EPPK1: variants seen among roughly 807,000 people sequenced by gnomAD.
EPPK1 encodes epiplakin 1, also known as epiplakin.
For synonymous variants in EPPK1, 1,862 were observed against 1,721.2 expected, an observed-to-expected ratio of 1.08 and a Z score of -2.03; for missense variants, 3,823 against 3,673.3, an observed-to-expected ratio of 1.04 and a Z score of -1.05.
Position 143,872,688 on chromosome 8 carries a change from G to A in EPPK1, c.566C>T (p.Ser189Leu). The change falls in exon 2 of 2, where the codon TCA becomes TTA. Residue 189 changes from serine to leucine, a missense_variant. By Grantham distance (145) the Ser-to-Leu change is moderately radical. Coordinates refer to ENST00000615648, the MANE Select transcript of EPPK1 (RefSeq NM_031308.4). The stretch of plus-strand genomic sequence containing the variant: ...GTCACCTGTGCCAGGCTCAAGCTCT[G>A]ACAGCTTGTGCCATGTCTCCCGGTC... ...LLDRETWHKL[S>L]ELEPGTGDLR... 1 of 1,604,678 alleles carries A rather than the reference G, an allele frequency of 6.2e-7. No individual in the cohort carries two copies. Among genetic ancestry groups the A allele is most frequent in the Non-Finnish European group, 8.5e-7 (1 of 1,176,162 alleles).
chr8:143,871,021 G>A lies in EPPK1; in HGVS notation c.2233C>T (p.Arg745Trp), dbSNP rs782758450. The change falls in exon 2 of 2, where the codon CGG (arginine) becomes TGG (tryptophan). Residue 745 changes from arginine to tryptophan, a missense_variant. Transcript: ENST00000615648. Reference protein sequence around the residue: ...SHRVPVDVAYRRGYFDQMLNL... With the variant: ...SHRVPVDVAYWRGYFDQMLNL... ...AGCATCTGATCGAAGTAGCCGCGCC[G>A]GTAGGCCACGTCCACGGGCACGCGG... 55 of 1,613,288 alleles carry A rather than the reference G, an allele frequency of 3.4e-5. No individual in the cohort carries two copies. Among genetic ancestry groups the A allele is most frequent in the East Asian group, 8.9e-5 (4 of 44,884 alleles).
chr8:143,867,792 C>A lies in EPPK1; in HGVS notation c.5462G>T (p.Ser1821Ile). The A allele has an allele frequency of 6.2e-7, 1 of 1,613,716 alleles. No homozygotes were observed. The highest frequency in any genetic ancestry group is 8.5e-7 in the Non-Finnish European group (1 of 1,179,886). ...RELIQEYGAQSGGLEKLLEII... is the reference protein window; with the variant it reads ...RELIQEYGAQIGGLEKLLEII... ...TTCCAGCAATTTCTCCAGGCCCCCA[C>A]TCTGGGCTCCATACTCCTGGATGAG... Residue 1821 changes from serine to isoleucine, a missense_variant, in exon 2 of 2, where the codon AGT becomes ATT. Coordinates refer to ENST00000615648, the MANE Select transcript of EPPK1 (RefSeq NM_031308.4).
At position 143,873,167 on chromosome 8, in the gene EPPK1, C is replaced by T. The variant is rs782769363; in HGVS notation, c.87G>A (p.Thr29=). 7 of 1,593,960 alleles carry T rather than the reference C, an allele frequency of 4.4e-6. No homozygotes were observed. Among genetic ancestry groups the T allele is most frequent in the Middle Eastern group, 1.7e-4 (1 of 5,990 alleles). ...GCCTGGGGGGCGTGCCGGCTCCCAG[C>T]GTGGCTGCCATGGCTCTGGGTACAC... ...QASVPRAMAA[T]LGAGTPPRPQ... The change falls in exon 2 of 2, where the codon ACG becomes ACA. Residue 29 remains threonine (T), a synonymous_variant. Coordinates refer to ENST00000615648, the MANE Select transcript of EPPK1 (RefSeq NM_031308.4).
In EPPK1 at chr8:143,866,872, A is replaced by T; in HGVS notation, c.6382T>A (p.Ser2128Thr). 1 of 1,613,130 alleles carries T rather than the reference A, an allele frequency of 6.2e-7. No individual in the cohort carries two copies. Among genetic ancestry groups the T allele is most frequent in the Non-Finnish European group, 8.5e-7 (1 of 1,179,844 alleles). Residue 2128 changes from serine to threonine, a missense_variant, in exon 2 of 2, where the codon TCC becomes ACC. By Grantham distance (58) the Ser-to-Thr change is moderately conservative. Transcript: ENST00000615648. ...QKPTLWALLNSEYVTEEKKLQ... is the reference protein window; with the variant it reads ...QKPTLWALLNTEYVTEEKKLQ... Reference sequence around the variant, plus strand: ...TTCTTCTCCTCTGTCACGTATTCGGAATTCAGTAGTGCCCACAGTGTTGGT... The same window carrying T: ...TTCTTCTCCTCTGTCACGTATTCGGTATTCAGTAGTGCCCACAGTGTTGGT...
At position 143,871,202 on chromosome 8, in the gene EPPK1, A is replaced by C; in HGVS notation, c.2052T>G (p.Ala684=). The part of the protein sequence containing the change: ...GPDVFAKLLS[A]ERAVTGYTDP... ...CAGTGTAGCCAGTGACAGCGCGCTC[A>C]GCCGACAGCAGCTTCGCGAACACAT... is the stretch of plus-strand genomic sequence containing the variant. Residue 684 remains alanine, a synonymous_variant, in exon 2 of 2, where the codon GCT becomes GCG. Coordinates refer to ENST00000615648, the MANE Select transcript of EPPK1 (RefSeq NM_031308.4). 1.2e-6 allele frequency: 2 copies of C among 1,613,252 alleles called. No individual in the cohort carries two copies. The highest frequency in any genetic ancestry group is 8.5e-7 in the Non-Finnish European group (1 of 1,180,030).
Position 143,867,733 on chromosome 8 carries a change from G to A in EPPK1, c.5521C>T (p.Gln1841Ter). Residue 1841 changes from glutamine to a stop codon, truncating the protein, a stop_gained, in exon 2 of 2, where the codon CAA becomes TAA. Transcript: ENST00000615648. LOFTEE classifies it low-confidence loss of function (END_TRUNC). ...GCCGCCACTTTGATGCCTTGGTTTT[G>A]CGTCTCTGTTTCTTCAATTGTCGTG... Reference protein sequence around the residue: ...ITTTIEETETQNQGIKVAAIR... With the variant: ...ITTTIEETET The A allele has an allele frequency of 1.2e-6, 2 of 1,613,730 alleles. No homozygotes were observed. The highest frequency in any genetic ancestry group is 1.7e-6 in the Non-Finnish European group (2 of 1,179,866).
chr8:143,867,785 GCC>G lies in EPPK1; in HGVS notation c.5467_5468del (p.Gly1823ProfsTer13), dbSNP rs1819182587. 7.4e-6 allele frequency: 12 copies of G among 1,613,476 alleles called. No homozygotes were observed. Among genetic ancestry groups the G allele is most frequent in the Non-Finnish European group, 1.0e-5 (12 of 1,179,864 alleles). On this transcript the variant is annotated frameshift_variant, in exon 2 of 2. Coordinates refer to ENST00000615648, the MANE Select transcript of EPPK1 (RefSeq NM_031308.4). LOFTEE classifies it low-confidence loss of function (END_TRUNC). Reference sequence around the variant, plus strand: ...TGATGATTTCCAGCAATTTCTCCAGGCCCCCACTCTGGGCTCCATACTCCTGG... The same window carrying G: ...TGATGATTTCCAGCAATTTCTCCAGGCCCACTCTGGGCTCCATACTCCTGG... ...LIQEYGAQSG[G>X]LEKLLEIITT...
chr8:143,874,770 CCT>C (rs1259749144), intron 1 of EPPK1, among the ~76,000 whole-genome samples: 2 of 152,162 alleles, frequency 1.3e-5, no homozygotes, highest in Non-Finnish European at 2.9e-5. Flanking sequence ...TGATTCTCCC[CCT>C]CATTCCAGCT....
In EPPK1 at chr8:143,870,063, A is replaced by G; in HGVS notation, c.3191T>C (p.Ile1064Thr). The change falls in exon 2 of 2, where the codon ATT becomes ACT. Residue 1064 changes from isoleucine (I) to threonine (T), a missense_variant. Coordinates refer to ENST00000615648, the MANE Select transcript of EPPK1 (RefSeq NM_031308.4). This position sits in a 1 kb window ranked among gnomAD's most constrained non-coding sequence, Gnocchi z 5.2. Reference protein sequence around the residue: ...SHHHLPMPVAIQRGYVDQEME... With the variant: ...SHHHLPMPVATQRGYVDQEME... ...CTCCTGGTCAACATAGCCACGCTGA[A>G]TGGCCACTGGCATGGGGAGGTGGTG... 1 of 1,610,672 alleles carries G rather than the reference A, an allele frequency of 6.2e-7. No individual in the cohort carries two copies. Among genetic ancestry groups the G allele is most frequent in the Non-Finnish European group, 8.5e-7 (1 of 1,178,934 alleles).
In EPPK1 at chr8:143,870,763, C is replaced by T. The variant is rs1431512802; in HGVS notation, c.2491G>A (p.Val831Ile). 5 of 1,612,512 alleles carry T rather than the reference C, an allele frequency of 3.1e-6. No individual in the cohort carries two copies. The highest frequency in any genetic ancestry group is 1.7e-5 in the Admixed American group (1 of 59,988). Reference sequence around the variant, plus strand: ...GAGTTGATCAGCTCCCACGCGGAGACCCTCTGCCCCTGAAACCGTCCATAC... The same window carrying T: ...GAGTTGATCAGCTCCCACGCGGAGATCCTCTGCCCCTGAAACCGTCCATAC... The part of the protein sequence containing the change: ...VKYGRFQGQR[V>I]SAWELINSEY... The change falls in exon 2 of 2, where the codon GTC (valine) becomes ATC (isoleucine). Residue 831 changes from valine (V) to isoleucine (I), a missense_variant. Val to Ile is a conservative substitution (Grantham distance 29, BLOSUM62 3). Coordinates refer to ENST00000615648, the MANE Select transcript of EPPK1 (RefSeq NM_031308.4). This position sits in a 1 kb window ranked among gnomAD's most constrained non-coding sequence, Gnocchi z 5.2.
rs1819189410 is a variant in EPPK1 at position 143,867,949 on chromosome 8, T to G, written c.5305A>C (p.Ile1769Leu). The change falls in exon 2 of 2, where the codon ATC (isoleucine) becomes CTC (leucine). Residue 1769 changes from isoleucine to leucine, a missense_variant. Coordinates refer to ENST00000615648, the MANE Select transcript of EPPK1 (RefSeq NM_031308.4). ...AACACGTGTCTCGTGGCCTCATTGA[T>G]GTACACGTAGTTTTCTCCTTTCTTT... is the stretch of plus-strand genomic sequence containing the variant. Reference protein sequence around the residue: ...IIKKGENYVYINEATRHVLQS... With the variant: ...IIKKGENYVYLNEATRHVLQS... 1 of 1,613,720 alleles carries G rather than the reference T, an allele frequency of 6.2e-7. No individual in the cohort carries two copies. The highest frequency in any genetic ancestry group is 1.3e-5 in the African/African-American group (1 of 75,044).
intron 1 of EPPK1, 38 bp from the exon 2 acceptor site, chr8:143,873,336 T>C: frequency 7.2e-7 from 1 of 1,379,552 alleles, no homozygotes; most frequent in East Asian, 2.7e-5. Context: ...GGACCCCGCA[T>C]GGCCTGGTGG....
intron 1 of EPPK1, among the ~76,000 whole-genome samples, chr8:143,874,099 G>A (rs1282873433): frequency 2.0e-5 from 3 of 152,220 alleles, no homozygotes; most frequent in Non-Finnish European, 2.9e-5. Flanking sequence ...GCCAGGAGCC[G>A]GGTGCAGGCC....
Position 143,867,128 on chromosome 8 carries a change from C to A in EPPK1, c.6126G>T (p.Ala2042=), listed in dbSNP as rs781957651. Residue 2042 remains alanine, a synonymous_variant, in exon 2 of 2, where the codon GCG becomes GCT. Coordinates refer to ENST00000615648, the MANE Select transcript of EPPK1 (RefSeq NM_031308.4). The part of the protein sequence containing the change: ...RRGCLHKDIY[A]LISDQKHMRK... ...TCATGTGCTTCTGGTCGGAAATGAGCGCATAGATGTCCTTGTGCAGACAGC... is the reference window on the plus strand; with the variant it reads ...TCATGTGCTTCTGGTCGGAAATGAGAGCATAGATGTCCTTGTGCAGACAGC... 9.9e-6 allele frequency: 16 copies of A among 1,612,678 alleles called. No homozygotes were observed. The highest frequency in any genetic ancestry group is 4.4e-5 in the South Asian group (4 of 91,072).
Position 143,870,823 on chromosome 8 carries a change from G to T in EPPK1, c.2431C>A (p.Gln811Lys), listed in dbSNP as rs1819320025. The T allele has an allele frequency of 6.2e-7, 1 of 1,612,692 alleles. No individual in the cohort carries two copies. Among genetic ancestry groups the T allele is most frequent in the Admixed American group, 1.7e-5 (1 of 59,992 alleles). ...TQSPLVDSAT[Q>K]QAFQNLLLSV... ...AGCAGCAGGTTCTGGAAGGCCTGCTGGGTGGCACTGTCCACCAGCGGGGAC... is the reference window on the plus strand; with the variant it reads ...AGCAGCAGGTTCTGGAAGGCCTGCTTGGTGGCACTGTCCACCAGCGGGGAC... Residue 811 changes from glutamine to lysine, a missense_variant, in exon 2 of 2, where the codon CAG becomes AAG. Coordinates refer to ENST00000615648, the MANE Select transcript of EPPK1 (RefSeq NM_031308.4). This position sits in a 1 kb window ranked among gnomAD's most constrained non-coding sequence, Gnocchi z 5.2.
chr8:143,871,271 C>A lies in EPPK1; in HGVS notation c.1983G>T (p.Gly661=). ...GFIIDPKANK[G]HSVEEALRAA... ...CCCTCAGTGCCTCCTCAACGGAGTG[C>A]CCCTTGTTTGCTTTTGGGTCGATGA... The change falls in exon 2 of 2, where the codon GGG becomes GGT. Residue 661 remains glycine, a synonymous_variant. Coordinates refer to ENST00000615648, the MANE Select transcript of EPPK1 (RefSeq NM_031308.4). 6.2e-7 allele frequency: 1 copy of A among 1,612,942 alleles called. No individual in the cohort carries two copies. The highest frequency in any genetic ancestry group is 8.5e-7 in the Non-Finnish European group (1 of 1,179,828).
At position 143,872,125 on chromosome 8, in the gene EPPK1, G is replaced by C. The variant is rs782307454; in HGVS notation, c.1129C>G (p.Leu377Val). 1 of 1,565,148 alleles carries C rather than the reference G, an allele frequency of 6.4e-7. No homozygotes were observed. The highest frequency in any genetic ancestry group is 1.2e-5 in the South Asian group (1 of 85,546). The change falls in exon 2 of 2, where the codon CTT becomes GTT. Residue 377 changes from leucine to valine, a missense_variant. By Grantham distance (32) the Leu-to-Val change is conservative (BLOSUM62 1). Coordinates refer to ENST00000615648, the MANE Select transcript of EPPK1 (RefSeq NM_031308.4). The part of the protein sequence containing the change: ...HDPFSGSQIP[L>V]FQAMKKGLVD... ...AGCCCCTTCTTCATGGCCTGGAAAA[G>C]GGGGATTTGGGAGCCACTGAAGGGG...
Position 143,868,619 on chromosome 8 carries a change from G to C in EPPK1, c.4635C>G (p.Asp1545Glu), listed in dbSNP as rs185538739. The C allele has an allele frequency of 1.9e-6, 3 of 1,598,666 alleles. No homozygotes were observed. The highest frequency in any genetic ancestry group is 2.6e-6 in the Non-Finnish European group (3 of 1,173,454). Reference sequence around the variant, plus strand: ...CAGTCGTTGTCCCCTGGCTCAGCTCGTCCAGCGTCTTCCTGCTGATCAGCT... The same window carrying C: ...CAGTCGTTGTCCCCTGGCTCAGCTCCTCCAGCGTCTTCCTGCTGATCAGCT... ...RAQLISRKTLDELSQGTTTVK... is the reference protein window; with the variant it reads ...RAQLISRKTLEELSQGTTTVK... Residue 1545 changes from aspartate (D) to glutamate (E), a missense_variant, in exon 2 of 2, where the codon GAC (aspartate) becomes GAG (glutamate). Physicochemically the swap from Asp to Glu is conservative, Grantham distance 45. Transcript: ENST00000615648.
In EPPK1 at chr8:143,867,954, AC is replaced by A. The variant is rs1420492316; in HGVS notation, c.5299del (p.Val1767CysfsTer88). 1.2e-6 allele frequency: 2 copies of A among 1,613,312 alleles called. No homozygotes were observed. The highest frequency in any genetic ancestry group is 1.7e-6 in the Non-Finnish European group (2 of 1,179,920). ...GTGTCTCGTGGCCTCATTGATGTAC[AC>A]GTAGTTTTCTCCTTTCTTTATGATT... ...LQIIKKGENY[V>X]YINEATRHVL... is the part of the protein sequence containing the mutation. On this transcript the variant is annotated frameshift_variant, in exon 2 of 2. Coordinates refer to ENST00000615648, the MANE Select transcript of EPPK1 (RefSeq NM_031308.4). LOFTEE classifies it low-confidence loss of function (END_TRUNC).
Sources: gnomAD v4.1 joint callset for allele counts (sites outside exome capture counted in the v4.1 genomes callset) on GRCh38, gnomAD v4.1.1 for gene constraint, Gnocchi (gnomAD v3.1) non-coding constraint, MANE v1.5 for transcripts, NCBI Gene and HGNC (gene_info 2026-07-23, HGNC 2026-07-21) for gene names.